Variants in FAM184B observed in about 807,000 individuals in gnomAD.
The protein encoded by FAM184B is family with sequence similarity 184 member B, also known as protein FAM184B.
Under a neutral mutation model 135.9 loss-of-function variants are expected in FAM184B, and 111 were observed. That is an observed-to-expected ratio of 0.82 (90% CI 0.70 to 0.96). FAM184B has a LOEUF of 0.96. Ranked by LOEUF, FAM184B falls within the 40% of genes least tolerant of loss-of-function variation. The pLI is 0.00. For synonymous variants in FAM184B, 552 were observed against 524.8 expected (o/e 1.05, Z -0.71); for missense variants, 1,375 against 1,323.9 (o/e 1.04, Z -0.60).
intron 5 of FAM184B, among the ~76,000 whole-genome samples, chr4:17,699,199 ATTATC>A (rs1339080534): frequency 4.2e-5 from 1 of 24,030 alleles, no homozygotes; most frequent in Non-Finnish European, 9.2e-5. Context: ...AGCAAGAGAA[ATTATC>A]CAAACTGAAA....
chr4:17,762,445 C>T (rs1376119696), intron 1 of FAM184B, among the ~76,000 whole-genome samples: 3 of 152,092 alleles, frequency 2.0e-5, no homozygotes, highest in African/African-American at 7.2e-5. Flanking sequence ...ATTGTGTGGG[C>T]TCGGCTTCAG....
intron 1 of FAM184B, among the ~76,000 whole-genome samples, chr4:17,726,166 C>T (rs530697271): frequency 9.2e-5 from 14 of 152,084 alleles, no homozygotes; most frequent in South Asian, 6.2e-4. Context: ...CCTTGTGATC[C>T]GCCTGCCTCA....
chr4:17,662,984 G>A (rs926300610), intron 8 of FAM184B, among the ~76,000 whole-genome samples: 1 of 152,176 alleles, frequency 6.6e-6, no homozygotes, highest in Admixed American at 6.5e-5. Flanking sequence ...TGTCCAGGCT[G>A]GAGTACAGTG....
At chr4:17,750,572 G>A (rs1718269579) in intron 1 of FAM184B, among the ~76,000 whole-genome samples, 2 of 152,116 alleles carry the variant, frequency 1.3e-5, no homozygotes, top group African/African-American at 4.8e-5. Flanking sequence ...AGCATTCTTG[G>A]TGTTGACCCA....
intron 5 of FAM184B, among the ~76,000 whole-genome samples, chr4:17,702,853 G>GGGATGGAAA (rs757181383): frequency 6.6e-6 from 1 of 152,162 alleles, no homozygotes; most frequent in Non-Finnish European, 1.5e-5. Flanking sequence ...CTTGTGGCCG[G>GGGATGGAAA]GGATGGAAAG....
At chr4:17,712,395 C>A (rs576799746) in intron 1 of FAM184B, among the ~76,000 whole-genome samples, 1 of 151,956 alleles carries the variant, frequency 6.6e-6, no homozygotes, top group South Asian at 2.1e-4. Context: ...GGTGTAGACG[C>A]CGTGGAGTCA....
intron 1 of FAM184B, among the ~76,000 whole-genome samples, chr4:17,780,310 G>C (rs575180244): frequency 6.6e-6 from 1 of 152,326 alleles, no homozygotes; most frequent in East Asian, 1.9e-4. Context: ...GGCACCAGGA[G>C]TTTATTATGA....
intron 12 of FAM184B, among the ~76,000 whole-genome samples, chr4:17,645,992 T>C (rs1262747198): frequency 2.0e-5 from 3 of 152,176 alleles, no homozygotes; most frequent in Admixed American, 6.5e-5. Context: ...TCATCATCAC[T>C]GGCCATCAGA....
In FAM184B at chr4:17,709,584, C is replaced by T. The variant is rs1429117056; in HGVS notation, c.202G>A (p.Glu68Lys). 6.5e-7 allele frequency: 1 copy of T among 1,546,196 alleles called. No homozygotes were observed. The highest frequency in any genetic ancestry group is 8.7e-7 in the Non-Finnish European group (1 of 1,145,396). The change falls in exon 2 of 18, where the codon GAA becomes AAA. Residue 68 changes from glutamate (E) to lysine (K), a missense_variant. By Grantham distance (56) the Glu-to-Lys change is moderately conservative. Coordinates refer to ENST00000265018, the MANE Select transcript of FAM184B (RefSeq NM_015688.2). ...EAEASMEALR[E>K]AHQEELQNAV... ...TTCTGGAGCTCCTCCTGGTGCGCTT[C>T]CCGCAGCGCCTCCATGCTGGCCTCA...
At chr4:17,737,087 T>G (rs531107799) in intron 1 of FAM184B, among the ~76,000 whole-genome samples, 7 of 150,930 alleles carry the variant, frequency 4.6e-5, no homozygotes, top group African/African-American at 1.5e-4. Flanking sequence ...GAGGTTACAG[T>G]GAGCTGAGAT....
chr4:17,692,308 C>T (rs1484528495), intron 6 of FAM184B, among the ~76,000 whole-genome samples: 2 of 152,126 alleles, frequency 1.3e-5, no homozygotes, highest in African/African-American at 4.8e-5. Context: ...TTGGTCTGGG[C>T]CAGAACAGAA....
intron 1 of FAM184B, among the ~76,000 whole-genome samples, chr4:17,724,677 GC>G (rs1199461298): frequency 1.4e-4 from 22 of 152,204 alleles, no homozygotes; most frequent in Admixed American, 6.5e-5. Flanking sequence ...AACAACAGAG[GC>G]CATGTGGTTG....
At chr4:17,698,639 C>T (rs554455053) in intron 5 of FAM184B, among the ~76,000 whole-genome samples, 1 of 152,150 alleles carries the variant, frequency 6.6e-6, no homozygotes, top group East Asian at 1.9e-4. Flanking sequence ...ACATGGGAGA[C>T]CCCATGAAGT....
chr4:17,733,464 T>C (rs1341946059), intron 1 of FAM184B, among the ~76,000 whole-genome samples: 7 of 152,228 alleles, frequency 4.6e-5, no homozygotes, highest in African/African-American at 1.4e-4. Context: ...CTCCTTAAGC[T>C]GATAAGCAAC....
At chr4:17,757,374 A>C (rs1718446474) in intron 1 of FAM184B, among the ~76,000 whole-genome samples, 1 of 152,208 alleles carries the variant, frequency 6.6e-6, no homozygotes, top group African/African-American at 2.4e-5. Flanking sequence ...CTGATTTTTA[A>C]AAACTGTAAA....
At chr4:17,640,126 C>G (rs1260204771) in intron 13 of FAM184B, among the ~76,000 whole-genome samples, 2 of 151,406 alleles carry the variant, frequency 1.3e-5, no homozygotes, top group East Asian at 3.9e-4. Context: ...GCCACCACAC[C>G]TGGCCACTCC....
intron 1 of FAM184B, among the ~76,000 whole-genome samples, chr4:17,736,724 C>T (rs1025448290): frequency 6.6e-6 from 1 of 152,182 alleles, no homozygotes; most frequent in Non-Finnish European, 1.5e-5. Context: ...TTCATCCCCT[C>T]ATCTCACCTC....
At chr4:17,727,449 A>G (rs1717666156) in intron 1 of FAM184B, among the ~76,000 whole-genome samples, 1 of 152,222 alleles carries the variant, frequency 6.6e-6, no homozygotes, top group South Asian at 2.1e-4. Context: ...TCACACTGCT[A>G]TAAAGATACT....
At chr4:17,692,994 G>A (rs992281344) in intron 6 of FAM184B, among the ~76,000 whole-genome samples, 1 of 141,120 alleles carries the variant, frequency 7.1e-6, no homozygotes, top group Non-Finnish European at 1.5e-5. Flanking sequence ...ACAAAGGGGC[G>A]AATGTAACCC....
Sources: gnomAD v4.1 joint callset for allele counts (sites outside exome capture counted in the v4.1 genomes callset) on GRCh38, gnomAD v4.1.1 for gene constraint, MANE v1.5 for transcripts, NCBI Gene and HGNC (gene_info 2026-07-23, HGNC 2026-07-21) for gene names.